Variants in GLT1D1 observed in about 807,000 individuals in gnomAD.
The protein encoded by GLT1D1 is glycosyltransferase 1 domain-containing protein 1.
A neutral mutation model predicts 28.7 loss-of-function variants in GLT1D1; 21 were observed. That is an observed-to-expected ratio of 0.73 (90% CI 0.52 to 1.05). The LOEUF (loss-of-function observed/expected upper bound fraction) is 1.05, where lower values mean the gene tolerates loss of function less well. Among genes scored for constraint, GLT1D1 ranks in the 50% least tolerant of loss-of-function variants. The probability of loss-of-function intolerance (pLI) is 0.00; values close to 1 mark genes in which losing one functional copy is unlikely to be tolerated. For synonymous variants in GLT1D1, 147 were observed against 124.8 expected, an observed-to-expected ratio of 1.18 and a Z score of -1.19; for missense variants, 343 against 330.6, an observed-to-expected ratio of 1.04 and a Z score of -0.29.
At chr12:128,905,405 T>A (rs916648599) in intron 4 of GLT1D1, among the ~76,000 whole-genome samples, 26 of 152,308 alleles carry the variant, frequency 1.7e-4, no homozygotes, top group Admixed American at 2.0e-4. Context: ...ACTCACACGA[T>A]ATCTGATCCT....
intron 4 of GLT1D1, among the ~76,000 whole-genome samples, chr12:128,911,272 TC>T (rs1871495329): frequency 6.6e-6 from 1 of 152,188 alleles, no homozygotes; most frequent in African/African-American, 2.4e-5. Flanking sequence ...TACCAAACCT[TC>T]CCAGGCTTGG....
At position 128,912,414 on chromosome 12, in the gene GLT1D1, C is replaced by G; in HGVS notation, c.375+13127C>G. ...GTACTTTTCTTTTCTCTCTCCCCTC[C>G]TTTCAAAAGCCGCATGCTAAGGGTA... On this transcript the variant is annotated intron_variant, in intron 4 of 7. Coordinates refer to ENST00000281703, the MANE Select transcript of GLT1D1 (RefSeq NM_144669.3). The G allele has an allele frequency of 2.0e-6, 3 of 1,521,044 alleles. No homozygotes were observed. In the East Asian group the frequency reaches 7.4e-5, roughly 37 times the overall value. 94.2% of individuals were successfully genotyped at this position (1,521,044 alleles called of 1,614,324 possible).
chr12:128,917,717 A>T (rs1489066925), intron 4 of GLT1D1, among the ~76,000 whole-genome samples: 2 of 152,226 alleles, frequency 1.3e-5, no homozygotes, highest in African/African-American at 2.4e-5. Context: ...AAACATATGA[A>T]AAAAGTTCAT....
intron 4 of GLT1D1, among the ~76,000 whole-genome samples, chr12:128,941,081 C>G (rs1875172262): frequency 6.6e-6 from 1 of 152,200 alleles, no homozygotes; most frequent in Non-Finnish European, 1.5e-5. Context: ...ATCATACACT[C>G]TGTGGTCTTT....
At chr12:128,861,093 C>T (rs1956355017) in intron 1 of GLT1D1, among the ~76,000 whole-genome samples, 1 of 152,028 alleles carries the variant, frequency 6.6e-6, no homozygotes, top group African/African-American at 2.4e-5. Flanking sequence ...CCCCGTTATG[C>T]TAAAACAGGA....
chr12:128,957,153 A>G (rs1301940403), intron 6 of GLT1D1, among the ~76,000 whole-genome samples: 1 of 152,224 alleles, frequency 6.6e-6, no homozygotes, highest in Non-Finnish European at 1.5e-5. Flanking sequence ...TGTGGCATTC[A>G]TACTCCCTTG....
intron 1 of GLT1D1, among the ~76,000 whole-genome samples, chr12:128,863,470 T>G (rs1041592459): frequency 1.4e-4 from 22 of 152,234 alleles, no homozygotes; most frequent in Middle Eastern, 3.4e-3. Context: ...CCTCCTGGAT[T>G]CAAGTGATTC....
chr12:128,903,431 C>A (rs1870515333), intron 4 of GLT1D1, among the ~76,000 whole-genome samples: 1 of 151,758 alleles, frequency 6.6e-6, no homozygotes, highest in African/African-American at 2.4e-5. Context: ...GAGATACGGT[C>A]CCCACCTCAT....
chr12:128,945,489 T>G lies in GLT1D1; in HGVS notation c.419+120T>G, dbSNP rs1593171720. On this transcript the variant is annotated intron_variant, in intron 5 of 7. Transcript: ENST00000281703. ...TTCCAAGCAGTTTCCAACTGTTTCC[T>G]CATGCATCTTCCCGGCGAGCCCGTG... 10 of 849,458 alleles carry G rather than the reference T, an allele frequency of 1.2e-5. No individual in the cohort carries two copies. The East Asian group carries it at 2.4e-4, about 21-fold the overall frequency. The allele number at this position is 849,458 out of a possible 1,614,324, so 52.6% of individuals were successfully genotyped here.
chr12:128,875,167 A>G (rs73438363), intron 1 of GLT1D1, among the ~76,000 whole-genome samples: 16,509 of 152,040 alleles, frequency 0.11, 1,257 homozygotes, highest in African/African-American at 0.22. Flanking sequence ...GTCTTTTCAA[A>G]GAACCGAGCA....
At chr12:128,941,526 T>C (rs1242380000) in intron 4 of GLT1D1, among the ~76,000 whole-genome samples, 2 of 151,972 alleles carry the variant, frequency 1.3e-5, no homozygotes, top group Admixed American at 6.6e-5. Context: ...AGTCTATATG[T>C]ATTCTTTGGA....
At position 128,957,584 on chromosome 12, in the gene GLT1D1, C is replaced by T; in HGVS notation, c.580C>T (p.Pro194Ser). ...AGTACCGGTATTGGCCAGGAACATC[C>T]CCGGGAATGCTGCCGTGGTGAAGCA... The change falls in exon 7 of 8, where the codon CCC becomes TCC. Residue 194 changes from proline (P) to serine (S), a missense_variant. By Grantham distance (74) the Pro-to-Ser change is moderately conservative. Coordinates refer to ENST00000281703, the MANE Select transcript of GLT1D1 (RefSeq NM_144669.3). The T allele has an allele frequency of 6.2e-7, 1 of 1,613,900 alleles. No individual in the cohort carries two copies. The highest frequency in any genetic ancestry group is 8.5e-7 in the Non-Finnish European group (1 of 1,179,784).
chr12:128,952,216 C>T (rs533378509), intron 6 of GLT1D1, among the ~76,000 whole-genome samples: 45 of 151,972 alleles, frequency 3.0e-4, no homozygotes, highest in African/African-American at 9.2e-4. Flanking sequence ...AACTTTAGGA[C>T]GTAGTAAGTG....
intron 6 of GLT1D1, among the ~76,000 whole-genome samples, chr12:128,951,996 T>C (rs1312100676): frequency 6.6e-6 from 1 of 152,114 alleles, no homozygotes; most frequent in Non-Finnish European, 1.5e-5. Context: ...CGTCTCCCCG[T>C]GCACTGTGGA....
At chr12:128,863,774 T>C (rs1956439466) in intron 1 of GLT1D1, among the ~76,000 whole-genome samples, 1 of 151,310 alleles carries the variant, frequency 6.6e-6, no homozygotes, top group South Asian at 2.1e-4. Flanking sequence ...TGAAACCCCG[T>C]CTCTACTAAA....
At chr12:128,931,464 C>T (rs916831155) in intron 4 of GLT1D1, among the ~76,000 whole-genome samples, 4 of 151,848 alleles carry the variant, frequency 2.6e-5, no homozygotes, top group Non-Finnish European at 4.4e-5. Context: ...CCTACCACTA[C>T]GTCCGGCAAA....
At chr12:128,933,741 C>T (rs1479231479) in intron 4 of GLT1D1, among the ~76,000 whole-genome samples, 1 of 152,182 alleles carries the variant, frequency 6.6e-6, no homozygotes, top group Non-Finnish European at 1.5e-5. Flanking sequence ...TCCCTCTCTT[C>T]CATCATCATT....
In GLT1D1 at chr12:128,983,357, C is replaced by T. The variant is rs1375268426; in HGVS notation, c.*267C>T. On this transcript the variant is annotated 3_prime_UTR_variant, in exon 8 of 8. Transcript: ENST00000281703. The surrounding 1 kb of genome is among the most constrained non-coding windows in gnomAD (Gnocchi z 4.7). ...GTTGACTGGGACAGGGAAAGGGGAA[C>T]TGGTTTTCAGGGAATTTGGGAGAGA... The T allele has an allele frequency of 2.5e-6, 1 of 405,842 alleles. No individual in the cohort carries two copies. Among genetic ancestry groups the T allele is most frequent in the Admixed American group, 3.8e-5 (1 of 26,292 alleles). 25.1% of individuals were successfully genotyped at this position (405,842 alleles called of 1,614,324 possible).
intron 2 of GLT1D1, among the ~76,000 whole-genome samples, chr12:128,884,631 A>G (rs966217935): frequency 1.3e-5 from 2 of 152,130 alleles, no homozygotes; most frequent in Non-Finnish European, 2.9e-5. Context: ...CCTGGCCAAC[A>G]TAGTGAAACC....
Sources: gnomAD v4.1 joint callset for allele counts (sites outside exome capture counted in the v4.1 genomes callset) on GRCh38, gnomAD v4.1.1 for gene constraint, Gnocchi (gnomAD v3.1) non-coding constraint, MANE v1.5 for transcripts, NCBI Gene and HGNC (gene_info 2026-07-23, HGNC 2026-07-21) for gene names.